Variants in NBPF10 observed in about 807,000 individuals in gnomAD.
NBPF10 encodes NBPF member 10, also known as NBPF family member NBPF10.
In NBPF10, 63 loss-of-function variants were observed where a neutral mutation model predicts 77.9. The observed-to-expected ratio is 0.81, with a 90% CI of 0.66 to 1.00. The LOEUF is 1.00. Ranked by LOEUF, NBPF10 falls within the 50% of genes least tolerant of loss-of-function variation. NBPF10 has a pLI of 0.00. For synonymous variants in NBPF10, 146 were observed against 264.5 expected, an observed-to-expected ratio of 0.55 and a Z score of 4.35; for missense variants, 522 against 679.8, an observed-to-expected ratio of 0.77 and a Z score of 2.58.
intron 11 of NBPF10, 128 bp from the exon 12 acceptor site, chr1:146,128,410 A>G: frequency 8.1e-6 from 2 of 246,818 alleles, no homozygotes; most frequent in Non-Finnish European, 1.5e-5. Context: ...TTTTTCCTTC[A>G]AGAGAAATAA....
intron 14 of NBPF10, 71 bp downstream of exon 14, chr1:146,126,165 C>G (rs587769006): frequency 4.4e-6 from 4 of 915,402 alleles, no homozygotes; most frequent in African/African-American, 3.3e-5. Flanking sequence ...GTAACGGCCA[C>G]TTGCAGTAGG....
At chr1:146,125,376 C>T (rs1177600810) in intron 15 of NBPF10, 89 bp downstream of exon 15, 2 of 270,714 alleles carry the variant, frequency 7.4e-6, no homozygotes, top group Middle Eastern at 9.1e-4. Flanking sequence ...TCGTTGAAAA[C>T]ATGAAATTGA....
intron 14 of NBPF10, 99 bp downstream of exon 14, chr1:146,126,137 A>T (rs370138275): frequency 2.5e-6 from 2 of 802,662 alleles, no homozygotes; most frequent in Non-Finnish European, 4.4e-6. Context: ...CCCTGTGGCA[A>T]TGACATCTCT....
At chr1:146,090,482 A>AGT (rs1461034452) in intron 59 of NBPF10, among the ~76,000 whole-genome samples, 1 of 13,540 alleles carries the variant, frequency 7.4e-5, no homozygotes, top group Non-Finnish European at 1.4e-4. Flanking sequence ...ACACAGAGAG[A>AGT]GAGAGAGAGA....
intron 12 of NBPF10, among the ~76,000 whole-genome samples, chr1:146,127,280 CCT>C (rs1339347417): frequency 3.3e-5 from 3 of 91,960 alleles, no homozygotes; most frequent in African/African-American, 1.1e-4. Flanking sequence ...GCAAAATTCC[CCT>C]GTGTTGGAAT....
chr1:146,137,407 AT>A (rs1659836247), intron 6 of NBPF10, among the ~76,000 whole-genome samples: 1 of 97,530 alleles, frequency 1.0e-5, no homozygotes, highest in Non-Finnish European at 2.2e-5. Flanking sequence ...TATTATTATT[AT>A]TTTTAACAGT....
rs587757195 is a variant in NBPF10 at position 146,126,329 on chromosome 1, C to T, written c.1933G>A (p.Gly645Ser). 7.7e-6 allele frequency: 10 copies of T among 1,294,860 alleles called. 1 individual carries two copies. Among genetic ancestry groups the T allele is most frequent in the Admixed American group, 3.4e-5 (2 of 59,450 alleles). The allele number at this position is 1,294,860 out of a possible 1,614,324, so 80.2% of individuals were successfully genotyped here. A position where few individuals can be genotyped will look rare whatever the true frequency, so the allele number is the denominator to read the frequency against. Residue 645 changes from glycine to serine, a missense_variant, in exon 14 of 90, where the codon GGT (glycine) becomes AGT (serine). Transcript: ENST00000583866. The stretch of plus-strand genomic sequence containing the variant: ...CATGAGTCAGTCAGTTCAAGACAAC[C>T]TGAAGGAGTTGAATAACATCTATCC...
exon 90 of NBPF10, chr1:146,066,098 T>G: frequency 1.7e-6 from 1 of 596,700 alleles, no homozygotes; most frequent in South Asian, 2.0e-5. Flanking sequence ...TCCCGGCATG[T>G]GCTGCACAGT....
At position 146,136,285 on chromosome 1, in the gene NBPF10, C is replaced by T. The variant is rs1269261816; in HGVS notation, c.1091+68G>A. 1.2e-5 allele frequency: 11 copies of T among 907,184 alleles called. 1 individual carries two copies. The African/African-American group carries it at 1.2e-4, about 10-fold the overall frequency. The allele number at this position is 907,184 out of a possible 1,614,324, so 56.2% of individuals were successfully genotyped here. A position where few individuals can be genotyped will look rare whatever the true frequency, so the allele number is the denominator to read the frequency against. On this transcript the variant is annotated intron_variant, in intron 7 of 89. Coordinates refer to ENST00000583866, the Ensembl canonical transcript of NBPF10. The stretch of plus-strand genomic sequence containing the variant: ...GCCCAGCTTAGCTCTTACGTCTCCC[C>T]ACCGAGCTGCTGTACTTCAGAGATT...
intron 20 of NBPF10, among the ~76,000 whole-genome samples, chr1:146,120,978 T>A (rs1658104434): frequency 1.2e-5 from 1 of 82,500 alleles, no homozygotes; most frequent in Admixed American, 1.4e-4. Context: ...TGGGTAAAAT[T>A]CCCTATTCTG....
chr1:146,134,987 T>TC (rs1403437257), intron 8 of NBPF10, among the ~76,000 whole-genome samples: 1 of 110,028 alleles, frequency 9.1e-6, no homozygotes, highest in East Asian at 2.4e-4. Context: ...GAACCTTCAT[T>TC]CTTAGTCCTG....
intron 88 of NBPF10, 146 bp downstream of exon 88, chr1:146,067,857 C>T (rs1311095308): frequency 5.7e-6 from 4 of 698,418 alleles, no homozygotes; most frequent in East Asian, 5.5e-5. Context: ...GCTGAGACTA[C>T]AGTTTCATTA....
exon 14 of NBPF10, chr1:146,126,336 A>T (rs782529941): frequency 6.2e-6 from 8 of 1,297,688 alleles, no homozygotes; most frequent in East Asian, 4.6e-5. Context: ...AACCTGAAGG[A>T]GTTGAATAAC....
intron 5 of NBPF10, among the ~76,000 whole-genome samples, chr1:146,139,284 T>G (rs6687637): frequency 1.4e-5 from 2 of 148,126 alleles, no homozygotes; most frequent in Admixed American, 1.3e-4. Flanking sequence ...TTTTTTTTTG[T>G]ATTTTTAGTA....
At chr1:146,127,924 G>T (rs1553790910) in intron 12 of NBPF10, among the ~76,000 whole-genome samples, 195 bp downstream of exon 12, 1 of 148,134 alleles carries the variant, frequency 6.8e-6, no homozygotes, top group East Asian at 2.0e-4. Flanking sequence ...ACTAGGAAGA[G>T]AGTAAAGCTC....
chr1:146,109,350 AG>A (rs1657358089), intron 35 of NBPF10, among the ~76,000 whole-genome samples: 1,737 of 69,520 alleles, frequency 0.025, 2 homozygotes, highest in African/African-American at 0.07. Flanking sequence ...ACACACAGAG[AG>A]AGAGAGAGAG....
At chr1:146,124,757 C>T in exon 16 of NBPF10, 1 of 48,542 alleles carries the variant, frequency 2.1e-5, no homozygotes, top group South Asian at 8.8e-5. Flanking sequence ...TAGGGCTGGC[C>T]TAAGTCAGGC....
At position 146,067,070 on chromosome 1, in the gene NBPF10, G is replaced by A. The variant is rs1407264912; in HGVS notation, c.11144+110C>T. 6.9e-6 allele frequency: 4 copies of A among 581,162 alleles called. No individual in the cohort carries two copies. In the African/African-American group the frequency reaches 7.4e-5, roughly 11 times the overall value. The allele number at this position is 581,162 out of a possible 1,614,324, so 36.0% of individuals were successfully genotyped here. A position where few individuals can be genotyped will look rare whatever the true frequency, so the allele number is the denominator to read the frequency against. ...AAAACCAACAGCAATGACAGTAGGA[G>A]TAATTCAGCCTTCGTTGAAAACATG... On this transcript the variant is annotated intron_variant, in intron 89 of 89. Coordinates refer to ENST00000583866, the Ensembl canonical transcript of NBPF10.
At chr1:146,066,688 A>G (rs76846984) in intron 89 of NBPF10, 127 bp from the exon 90 acceptor site, 1 of 480,484 alleles carries the variant, frequency 2.1e-6, no homozygotes, top group African/African-American at 2.1e-5. Context: ...TTAATGAGGT[A>G]AAAAAAAAAT....
Sources: gnomAD v4.1 joint callset for allele counts (sites outside exome capture counted in the v4.1 genomes callset) on GRCh38, gnomAD v4.1.1 for gene constraint, MANE v1.5 for transcripts, NCBI Gene and HGNC (gene_info 2026-07-23, HGNC 2026-07-21) for gene names.